WDR5: variants seen among roughly 807,000 people sequenced by gnomAD.
The protein encoded by WDR5 is WD repeat-containing protein 5.
For missense variants in WDR5, 187 were observed against 416.9 expected (o/e 0.45, Z 4.80); for synonymous variants, 144 against 161.6 (o/e 0.89, Z 0.83).
chr9:134,136,913 C>T (rs372522406), intron 1 of WDR5, among the ~76,000 whole-genome samples: 8 of 152,214 alleles, frequency 5.3e-5, no homozygotes, highest in South Asian at 4.1e-4. Context: ...TAATCTGTGA[C>T]CTGGGCAGGT....
At chr9:134,154,195 A>C (rs920417022) in intron 9 of WDR5, among the ~76,000 whole-genome samples, 10 of 152,196 alleles carry the variant, frequency 6.6e-5, no homozygotes, top group Non-Finnish European at 1.2e-4. Flanking sequence ...GAGAGTGCCC[A>C]TGGCCTGGTG....
intron 8 of WDR5, among the ~76,000 whole-genome samples, chr9:134,149,665 A>G (rs186990181): frequency 1.5e-4 from 23 of 152,352 alleles, no homozygotes; most frequent in Admixed American, 1.2e-3. Flanking sequence ...CAGAAAAAGT[A>G]TACCAAGGAA....
At chr9:134,135,874 G>A (rs533419404), upstream of WDR5, 1 of 151,412 alleles carries the variant, frequency 6.6e-6, no homozygotes, top group East Asian at 1.9e-4. Flanking sequence ...TTTTTAGGAA[G>A]TGCATTAGAA....
At position 134,142,433 on chromosome 9, in the gene WDR5, C is replaced by G. The variant is rs370336279; in HGVS notation, c.444+11C>G. ...ATTGTCTCAGGATCCGTAAGTGTGG[C>G]TGGGGTGTCTTCCCTGGGGGAGGTG... On this transcript the variant is annotated intron_variant, in intron 6 of 13. Transcript: ENST00000358625. The G allele has an allele frequency of 8.7e-6, 14 of 1,613,682 alleles. No homozygotes were observed. The African/African-American group carries it at 1.6e-4, about 18-fold the overall frequency.
At chr9:134,136,387 C>T (rs554484093) in intron 1 of WDR5, among the ~76,000 whole-genome samples, 187 bp downstream of exon 1, 45 of 151,336 alleles carry the variant, frequency 3.0e-4, no homozygotes, top group African/African-American at 1.0e-3. Flanking sequence ...GGTGGACGGC[C>T]GCGCGCGCAG....
At chr9:134,141,644 G>A in intron 4 of WDR5, 61 bp downstream of exon 4, 1 of 1,544,688 alleles carries the variant, frequency 6.5e-7, no homozygotes, top group Non-Finnish European at 8.9e-7. Flanking sequence ...AGTGATCAAG[G>A]GGTCAGGGCT....
Position 134,157,168 on chromosome 9 carries a change from C to G in WDR5, c.904+575C>G, listed in dbSNP as rs1253272097. Reference sequence around the variant, plus strand: ...GCCAACGAGAGCAGGGGGTTCGAGCCCTTGTGGAAATCTGGGGAGGCACTG... The same window carrying G: ...GCCAACGAGAGCAGGGGGTTCGAGCGCTTGTGGAAATCTGGGGAGGCACTG... On this transcript the variant is annotated intron_variant, in intron 13 of 13. Transcript: ENST00000358625. The surrounding 1 kb of genome is among the most constrained non-coding windows in gnomAD (Gnocchi z 5.0). 6.6e-6 allele frequency among the ~76,000 whole-genome samples: 1 copy of G among 152,188 alleles called. No individual in the cohort carries two copies. The highest frequency in any genetic ancestry group is 1.9e-4 in the East Asian group (1 of 5,188).
intron 6 of WDR5, 84 bp from the exon 7 acceptor site, chr9:134,142,552 A>G: frequency 6.4e-7 from 1 of 1,559,440 alleles, no homozygotes; most frequent in Non-Finnish European, 8.8e-7. Context: ...TGTGGGGAGG[A>G]TGGGCTGATA....
chr9:134,136,783 G>A (rs1458312243), intron 1 of WDR5, among the ~76,000 whole-genome samples: 1 of 152,184 alleles, frequency 6.6e-6, no homozygotes, highest in African/African-American at 2.4e-5. Context: ...CATTTTGAGC[G>A]GTTACGTTCC....
chr9:134,148,523 G>A (rs1832328789), intron 8 of WDR5, among the ~76,000 whole-genome samples, 180 bp downstream of exon 8: 1 of 152,118 alleles, frequency 6.6e-6, no homozygotes, highest in South Asian at 2.1e-4. Context: ...TTCGGGGTTG[G>A]CAGCACAGGT....
intron 7 of WDR5, among the ~76,000 whole-genome samples, chr9:134,146,437 T>C (rs968985218): frequency 2.6e-5 from 4 of 152,184 alleles, no homozygotes; most frequent in African/African-American, 9.7e-5. Context: ...GGTTTCACCA[T>C]GTTGGCCAGG....
chr9:134,140,023 AT>A, intron 2 of WDR5, 65 bp downstream of exon 2: 1 of 1,568,374 alleles, frequency 6.4e-7, no homozygotes, highest in Admixed American at 1.7e-5. Flanking sequence ...TCTCGGAAAC[AT>A]CTCAAGCTCA....
At chr9:134,137,907 T>C (rs1326733471) in intron 1 of WDR5, among the ~76,000 whole-genome samples, 1 of 152,064 alleles carries the variant, frequency 6.6e-6, no homozygotes, top group Non-Finnish European at 1.5e-5. Context: ...CACACCCGGC[T>C]AATTTCTGTA....
At chr9:134,152,700 C>G (rs1832556903) in intron 9 of WDR5, among the ~76,000 whole-genome samples, 1 of 152,182 alleles carries the variant, frequency 6.6e-6, no homozygotes, top group South Asian at 2.1e-4. Context: ...GGGATGGACC[C>G]CCGTGTGGGG....
chr9:134,135,356 C>G (rs1179642527), upstream of WDR5: 1 of 152,242 alleles, frequency 6.6e-6, no homozygotes, highest in Non-Finnish European at 1.5e-5. Context: ...CGGGAGAGCC[C>G]GCTGCGAAGT....
In WDR5 at chr9:134,156,580, A is replaced by G. The variant is rs747777707; in HGVS notation, c.891A>G (p.Leu297=). ...AGACGAAAGAGATTGTACAGAAACTACAAGGCCACACAGGTGAGGGCCTGC... is the reference window on the plus strand; with the variant it reads ...AGACGAAAGAGATTGTACAGAAACTGCAAGGCCACACAGGTGAGGGCCTGC... ...NLQTKEIVQK[L]QGHTDVVIST... The change falls in exon 13 of 14, where the codon CTA becomes CTG. Residue 297 remains leucine (L), a synonymous_variant. Transcript: ENST00000358625. The G allele has an allele frequency of 5.6e-6, 9 of 1,614,104 alleles. No homozygotes were observed. The East Asian group carries it at 1.6e-4, about 28-fold the overall frequency.
chr9:134,155,293 A>G, intron 10 of WDR5, 47 bp from the exon 11 acceptor site: 2 of 1,533,496 alleles, frequency 1.3e-6, no homozygotes, highest in Non-Finnish European at 8.7e-7. Context: ...GTGGGGACAG[A>G]AGGATGCCTC....
At chr9:134,137,772 C>T (rs1279814714) in intron 1 of WDR5, among the ~76,000 whole-genome samples, 1 of 152,170 alleles carries the variant, frequency 6.6e-6, no homozygotes, top group African/African-American at 2.4e-5. Context: ...CCGCCACCCC[C>T]CGACGGAGTT....
At chr9:134,150,879 A>G (rs1379518506) in intron 8 of WDR5, among the ~76,000 whole-genome samples, 1 of 152,188 alleles carries the variant, frequency 6.6e-6, no homozygotes, top group Non-Finnish European at 1.5e-5. Flanking sequence ...TATACTAGGA[A>G]TTGCCAGTTA....
Sources: allele counts gnomAD v4.1 joint callset (sites outside exome capture counted in the v4.1 genomes callset), GRCh38; gene constraint gnomAD v4.1.1; non-coding constraint Gnocchi (gnomAD v3.1); transcripts MANE v1.5; gene names NCBI Gene and HGNC (gene_info 2026-07-23, HGNC 2026-07-21).